JAK1: variants seen among roughly 807,000 people sequenced by gnomAD.
The protein encoded by JAK1 is tyrosine-protein kinase JAK1.
A neutral mutation model predicts 136.6 loss-of-function variants in JAK1; 16 were observed. The observed-to-expected ratio is 0.12, with a 90% CI of 0.08 to 0.18. The LOEUF is 0.18. JAK1 is among the 10% of genes least tolerant of loss of function. JAK1 has a pLI of 1.00. For missense variants in JAK1, 859 were observed against 1,450.1 expected (o/e 0.59, Z 6.62); for synonymous variants, 492 against 519.5 (o/e 0.95, Z 0.72).
intron 1 of JAK1, among the ~76,000 whole-genome samples, chr1:64,942,735 C>T (rs546433871): frequency 2.9e-4 from 44 of 152,214 alleles, no homozygotes; most frequent in African/African-American, 1.0e-3. Flanking sequence ...TCGTAGATAA[C>T]ATAATTAACC....
chr1:65,004,691 C>T (rs916278905), intron 2 of JAK1, among the ~76,000 whole-genome samples: 2 of 152,184 alleles, frequency 1.3e-5, no homozygotes, highest in Non-Finnish European at 2.9e-5. Context: ...ACTAAAAATT[C>T]TTTTACGTGT....
intron 20 of JAK1, 82 bp downstream of exon 20, chr1:64,839,521 G>T: frequency 1.6e-6 from 2 of 1,226,572 alleles, no homozygotes; most frequent in Non-Finnish European, 2.3e-6. Flanking sequence ...GTAAGGCCAC[G>T]GAGTGCCTGT....
chr1:64,937,094 T>C (rs964594557), intron 1 of JAK1, among the ~76,000 whole-genome samples: 2 of 151,694 alleles, frequency 1.3e-5, no homozygotes, highest in African/African-American at 4.8e-5. Context: ...CACCCCCAGT[T>C]TGGTCTACAG....
chr1:65,026,758 G>C lies in JAK1; in HGVS notation c.-78+17722C>G, dbSNP rs553462032. Among the ~76,000 whole-genome samples the C allele has an allele frequency of 9.2e-5, 14 of 152,152 alleles. No homozygotes were observed. The East Asian group carries it at 2.0e-3, about 21-fold the overall frequency. On this transcript the variant is annotated intron_variant, in intron 2 of 25. Transcript: ENST00000671954. ...GGGCGGGCAGATCACCTGAGGCCAG[G>C]AGTTTGAGACCAACCTGGCCAACAT...
rs1553169994 is a variant in JAK1, at chr1:64,928,786, A to AAAAAAAC, written c.-78+37546_-78+37547insGTTTTTT. 6.7e-4 allele frequency among the ~76,000 whole-genome samples: 79 copies of AAAAAAAC among 117,932 alleles called. 1 individual carries two copies. Among genetic ancestry groups the AAAAAAAC allele is most frequent in the Admixed American group, 1.2e-3 (14 of 11,518 alleles). The allele number at this position is 117,932 out of a possible 152,430, so 77.4% of individuals were successfully genotyped here. A position where few individuals can be genotyped will look rare whatever the true frequency, so the allele number is the denominator to read the frequency against. On this transcript the variant is annotated intron_variant, in intron 1 of 24. Transcript: ENST00000342505. ...AGTGCTATAAAACTCTGCAAAAAAAAAAAAAAAAAACAAAAAAAAAAAACT... is the reference window on the plus strand; with the variant it reads ...AGTGCTATAAAACTCTGCAAAAAAAAAAAAAACAAAAAAAAAACAAAAAAAAAAAACT...
At chr1:64,869,711 G>A (rs1184727422) in intron 5 of JAK1, among the ~76,000 whole-genome samples, 1 of 152,184 alleles carries the variant, frequency 6.6e-6, no homozygotes, top group Non-Finnish European at 1.5e-5. Context: ...CAGGCACTGG[G>A]GAACAGTACA....
At chr1:64,874,992 T>TC (rs1324358974) in intron 4 of JAK1, among the ~76,000 whole-genome samples, 1 of 152,216 alleles carries the variant, frequency 6.6e-6, no homozygotes, top group Non-Finnish European at 1.5e-5. Flanking sequence ...CACTGTGACT[T>TC]CCATAGGCCC....
intron 2 of JAK1, among the ~76,000 whole-genome samples, chr1:64,976,489 G>A (rs1312157699): frequency 1.3e-5 from 2 of 152,160 alleles, no homozygotes; most frequent in Non-Finnish European, 2.9e-5. Flanking sequence ...GCTTCTGGGA[G>A]TTACACACTT....
rs371540990 is a variant in JAK1, at chr1:64,998,322, A to G, written c.-78+46158T>C. ...TGTTGAAAGTAATTACCATACTTACATGGTCACAGCAGGCATTTGAGTTTT... is the reference window on the plus strand; with the variant it reads ...TGTTGAAAGTAATTACCATACTTACGTGGTCACAGCAGGCATTTGAGTTTT... On this transcript the variant is annotated intron_variant, in intron 2 of 25. Coordinates refer to the JAK1 transcript ENST00000671954. Among the ~76,000 whole-genome samples, 30 of 152,364 alleles carry G rather than the reference A, an allele frequency of 2.0e-4. 5 individuals carry two copies. Among genetic ancestry groups the G allele is most frequent in the Admixed American group, 3.3e-4 (5 of 15,306 alleles).
chr1:65,015,719 A>G (rs1273609891), intron 2 of JAK1, among the ~76,000 whole-genome samples: 3 of 152,218 alleles, frequency 2.0e-5, no homozygotes, highest in Non-Finnish European at 4.4e-5. Flanking sequence ...AAGAATTGGC[A>G]TTTTTATGTT....
chr1:64,836,813 A>T (rs929226590), intron 22 of JAK1, among the ~76,000 whole-genome samples: 2 of 151,736 alleles, frequency 1.3e-5, no homozygotes, highest in Non-Finnish European at 2.9e-5. Context: ...CTGGCTCCAG[A>T]CTCCCTGGCT....
At chr1:64,987,123 A>G (rs1244103280) in intron 2 of JAK1, 1 of 151,952 alleles carries the variant, frequency 6.6e-6, no homozygotes, top group Non-Finnish European at 1.5e-5. Flanking sequence ...ACCTGCACGC[A>G]CTCCCTGAAA....
At chr1:65,055,526 G>A (rs1035165105) in intron 1 of JAK1, among the ~76,000 whole-genome samples, 1 of 152,210 alleles carries the variant, frequency 6.6e-6, no homozygotes. Flanking sequence ...AAGTGGAAAT[G>A]CTGGATTATA....
chr1:64,889,629 C>A (rs555354751), intron 1 of JAK1, among the ~76,000 whole-genome samples: 5 of 152,142 alleles, frequency 3.3e-5, no homozygotes, highest in Admixed American at 2.6e-4. Context: ...AAACAAGACA[C>A]AATTCTGTGG....
At chr1:64,838,249 TAAG>T in intron 21 of JAK1, 145 bp from the exon 22 acceptor site, 1 of 956,068 alleles carries the variant, frequency 1.0e-6, no homozygotes, top group South Asian at 1.8e-5. Flanking sequence ...GCAAGAATAT[TAAG>T]AACAAACTGA....
chr1:64,850,943 C>T, intron 11 of JAK1, 33 bp from the exon 12 acceptor site: 1 of 1,450,884 alleles, frequency 6.9e-7, no homozygotes. Flanking sequence ...CTGAGCACAG[C>T]ACCCAAGATC....
intron 2 of JAK1, among the ~76,000 whole-genome samples, chr1:64,982,874 G>T (rs1428762199): frequency 6.6e-6 from 1 of 152,096 alleles, no homozygotes; most frequent in African/African-American, 2.4e-5. Flanking sequence ...AGTCTGGTCA[G>T]TGAGAAATGA....
At chr1:65,027,208 G>A (rs1646985860) in intron 2 of JAK1, among the ~76,000 whole-genome samples, 1 of 151,472 alleles carries the variant, frequency 6.6e-6, no homozygotes, top group Non-Finnish European at 1.5e-5. Flanking sequence ...CACCACACCT[G>A]GCTAATTTAC....
At chr1:64,868,900 G>A (rs1326471368) in intron 6 of JAK1, among the ~76,000 whole-genome samples, 1 of 152,232 alleles carries the variant, frequency 6.6e-6, no homozygotes, top group African/African-American at 2.4e-5. Context: ...GTGAACTACT[G>A]TAACGTGTTC....
Sources: allele counts gnomAD v4.1 joint callset (sites outside exome capture counted in the v4.1 genomes callset), GRCh38; gene constraint gnomAD v4.1.1; transcripts MANE v1.5; gene names NCBI Gene and HGNC (gene_info 2026-07-23, HGNC 2026-07-21).